KLHL32: variants seen among roughly 807,000 people sequenced by gnomAD.
The protein encoded by KLHL32 is kelch like family member 32.
Under a neutral mutation model 64.8 loss-of-function variants are expected in KLHL32, and 35 were observed. The observed-to-expected ratio is 0.54, with a 90% CI of 0.41 to 0.72. The LOEUF is 0.72. KLHL32 is among the 30% of genes least tolerant of loss of function. The pLI is 0.00. For synonymous variants in KLHL32, 259 were observed against 281.0 expected (o/e 0.92, Z 0.78); for missense variants, 589 against 768.5 (o/e 0.77, Z 2.76).
At chr6:97,063,482 T>C (rs1330220197) in intron 4 of KLHL32, among the ~76,000 whole-genome samples, 1 of 152,148 alleles carries the variant, frequency 6.6e-6, no homozygotes, top group Non-Finnish European at 1.5e-5. Context: ...CAAAAGGTAC[T>C]GATACAGATG....
chr6:97,002,567 A>G (rs1229462845), intron 3 of KLHL32, among the ~76,000 whole-genome samples: 1 of 152,100 alleles, frequency 6.6e-6, no homozygotes, highest in East Asian at 1.9e-4. Flanking sequence ...AGATTATTTC[A>G]TTACTCAGGT....
chr6:96,908,465 GCA>G, the KLHL32 span, among the ~76,000 whole-genome samples: 1 of 152,162 alleles, frequency 6.6e-6, no homozygotes, highest in Admixed American at 6.5e-5. Flanking sequence ...TCTGCCACAT[GCA>G]CACCCCTCTG....
chr6:97,049,970 A>G (rs1222393889), intron 4 of KLHL32, among the ~76,000 whole-genome samples: 2 of 152,168 alleles, frequency 1.3e-5, no homozygotes, highest in Non-Finnish European at 2.9e-5. Context: ...GGGCAGGGCC[A>G]ATTCTAAGTG....
chr6:96,987,337 G>A (rs1245806214), intron 3 of KLHL32, among the ~76,000 whole-genome samples: 1 of 152,014 alleles, frequency 6.6e-6, no homozygotes, highest in Non-Finnish European at 1.5e-5. Context: ...GCTTTCTCTT[G>A]TGGGCATTTA....
At chr6:97,098,132 G>A (rs907358371) in intron 6 of KLHL32, among the ~76,000 whole-genome samples, 2 of 152,092 alleles carry the variant, frequency 1.3e-5, no homozygotes, top group African/African-American at 4.8e-5. Flanking sequence ...TTGAAGTATA[G>A]GCTAAAAACG....
intron 3 of KLHL32, among the ~76,000 whole-genome samples, chr6:97,037,057 T>C (rs1417302681): frequency 1.3e-5 from 2 of 152,202 alleles, no homozygotes; most frequent in East Asian, 1.9e-4. Flanking sequence ...ACATTATGAA[T>C]GTTAGCTTTT....
chr6:97,041,895 A>G (rs1390406157), intron 4 of KLHL32, among the ~76,000 whole-genome samples: 1 of 152,092 alleles, frequency 6.6e-6, no homozygotes, highest in East Asian at 1.9e-4. Context: ...AAGATAATGG[A>G]TTCTCATTGT....
chr6:97,073,245 G>T (rs1252085162), intron 5 of KLHL32, among the ~76,000 whole-genome samples: 1 of 152,048 alleles, frequency 6.6e-6, no homozygotes, highest in Non-Finnish European at 1.5e-5. Flanking sequence ...AAATTTTGGG[G>T]AATAATCACC....
intron 3 of KLHL32, among the ~76,000 whole-genome samples, chr6:96,986,255 G>A (rs562933202): frequency 1.3e-5 from 2 of 152,250 alleles, no homozygotes; most frequent in East Asian, 1.9e-4. Context: ...AGGAGTATCC[G>A]GCCGTGTGAG....
chr6:97,104,293 C>A (rs1371046315), intron 6 of KLHL32, among the ~76,000 whole-genome samples: 1 of 152,182 alleles, frequency 6.6e-6, no homozygotes, highest in Non-Finnish European at 1.5e-5. Context: ...TGTTGTGGTT[C>A]TTCCAGTCCT....
At chr6:97,069,102 T>C (rs1252906508) in intron 5 of KLHL32, among the ~76,000 whole-genome samples, 2 of 152,186 alleles carry the variant, frequency 1.3e-5, no homozygotes, top group Non-Finnish European at 2.9e-5. Flanking sequence ...ATTGAAGGCA[T>C]TGTTCTGTTT....
rs150135723 is a variant in KLHL32 at position 97,069,691 on chromosome 6, G to A, written c.411+4965G>A. Among the ~76,000 whole-genome samples the A allele has an allele frequency of 2.2e-3, 331 of 152,066 alleles. 1 individual carries two copies. The highest frequency in any genetic ancestry group is 7.2e-3 in the African/African-American group (300 of 41,472). Reference sequence around the variant, plus strand: ...TCATTATGTACTGAGGGATTGAAAGGTGCCTCCATTAAGTAATTTTTCTCT... The same window carrying A: ...TCATTATGTACTGAGGGATTGAAAGATGCCTCCATTAAGTAATTTTTCTCT... On this transcript the variant is annotated intron_variant, in intron 5 of 10. Coordinates refer to ENST00000369261, the MANE Select transcript of KLHL32 (RefSeq NM_052904.4).
chr6:97,001,320 C>T (rs569158568), intron 3 of KLHL32, among the ~76,000 whole-genome samples: 5 of 152,230 alleles, frequency 3.3e-5, no homozygotes, highest in Admixed American at 2.6e-4. Flanking sequence ...ACTGGTGAAC[C>T]TAAAACTGGT....
intron 3 of KLHL32, among the ~76,000 whole-genome samples, chr6:96,997,156 A>G (rs887587783): frequency 5.9e-5 from 9 of 152,122 alleles, no homozygotes; most frequent in African/African-American, 2.2e-4. Flanking sequence ...TTTGGAAAGA[A>G]GCTGTACCAT....
chr6:97,037,450 T>C (rs1390506673), intron 3 of KLHL32, among the ~76,000 whole-genome samples: 1 of 151,956 alleles, frequency 6.6e-6, no homozygotes, highest in Non-Finnish European at 1.5e-5. Context: ...GTACAAAGAA[T>C]ATAAAATACC....
the KLHL32 span, among the ~76,000 whole-genome samples, chr6:96,915,769 G>A: frequency 8.8e-3 from 1,337 of 152,158 alleles, 26 homozygotes; most frequent in African/African-American, 0.03. Context: ...CTATGAAAAA[G>A]GTCAGAATAT....
chr6:96,966,316 A>G (rs868463423), intron 1 of KLHL32, among the ~76,000 whole-genome samples: 2 of 152,356 alleles, frequency 1.3e-5, no homozygotes, highest in African/African-American at 4.8e-5. Context: ...GAGTTACTCC[A>G]GTGATTAAAA....
chr6:97,076,847 A>G (rs1465698360), intron 5 of KLHL32, among the ~76,000 whole-genome samples: 1 of 151,916 alleles, frequency 6.6e-6, no homozygotes, highest in Non-Finnish European at 1.5e-5. Flanking sequence ...AAATAAATGT[A>G]TTAATATTTA....
upstream of KLHL32, among the ~76,000 whole-genome samples, chr6:96,920,446 A>G (rs1307253839): frequency 1.3e-5 from 2 of 152,124 alleles, no homozygotes; most frequent in East Asian, 1.9e-4. Context: ...AGAGTGACAC[A>G]CAGCATCGAT....
Sources: allele counts gnomAD v4.1 joint callset (sites outside exome capture counted in the v4.1 genomes callset), GRCh38; gene constraint gnomAD v4.1.1; transcripts MANE v1.5; gene names NCBI Gene and HGNC (gene_info 2026-07-23, HGNC 2026-07-21).